FAF1: variants seen among roughly 807,000 people sequenced by gnomAD.
FAF1 encodes Fas associated factor 1.
In FAF1, 25 loss-of-function variants were observed where a neutral mutation model predicts 92.5. The ratio of observed to expected loss-of-function variants is 0.27; its 90% confidence interval spans 0.20 to 0.38. The LOEUF is 0.38. FAF1 is among the 10% of genes least tolerant of loss of function. The pLI is 1.00. For missense variants in FAF1, 636 were observed against 793.3 expected (o/e 0.80, Z 2.38); for synonymous variants, 234 against 273.2 (o/e 0.86, Z 1.42).
intron 4 of FAF1, among the ~76,000 whole-genome samples, chr1:50,783,842 T>A (rs1323766371): frequency 2.0e-5 from 3 of 152,104 alleles, no homozygotes. Flanking sequence ...ACCACTGCAC[T>A]CCAGCCTGGG....
intron 15 of FAF1, 38 bp from the exon 16 acceptor site, chr1:50,491,839 C>A: frequency 1.4e-6 from 2 of 1,460,330 alleles, no homozygotes; most frequent in South Asian, 1.2e-5. Context: ...TGACATATAA[C>A]TTTTTTTTGA....
intron 9 of FAF1, among the ~76,000 whole-genome samples, chr1:50,590,666 A>C (rs1411612848): frequency 5.3e-5 from 8 of 152,120 alleles, no homozygotes; most frequent in Admixed American, 5.2e-4. Flanking sequence ...TTCCAGAACT[A>C]TGTCAAATAG....
At chr1:50,521,712 A>G (rs1468035006) in intron 15 of FAF1, among the ~76,000 whole-genome samples, 1 of 152,252 alleles carries the variant, frequency 6.6e-6, no homozygotes, top group Non-Finnish European at 1.5e-5. Context: ...GAATGCTTTT[A>G]CAGTAATAAA....
intron 1 of FAF1, among the ~76,000 whole-genome samples, chr1:50,886,251 T>C (rs1030577468): frequency 6.6e-6 from 1 of 152,224 alleles, no homozygotes; most frequent in African/African-American, 2.4e-5. Flanking sequence ...CCTTTAACAC[T>C]TCTTGTAGGA....
At chr1:50,705,913 C>G (rs772379618) in intron 6 of FAF1, 22 bp from the exon 7 acceptor site, 119 of 1,450,814 alleles carry the variant, frequency 8.2e-5, no homozygotes, top group Non-Finnish European at 1.1e-4. Context: ...GAAAGAAAAA[C>G]AAGGAACTCA....
intron 1 of FAF1, among the ~76,000 whole-genome samples, chr1:50,900,293 T>C (rs1052300147): frequency 1.3e-5 from 2 of 152,262 alleles, no homozygotes; most frequent in Non-Finnish European, 2.9e-5. Flanking sequence ...ATATTACATC[T>C]CACAATCTTA....
At chr1:50,737,179 T>C (rs1378015935) in intron 6 of FAF1, among the ~76,000 whole-genome samples, 1 of 152,200 alleles carries the variant, frequency 6.6e-6, no homozygotes, top group African/African-American at 2.4e-5. Flanking sequence ...AAGTATATTT[T>C]AATGCTAGAT....
chr1:50,872,522 A>G (rs1330543513), intron 1 of FAF1, among the ~76,000 whole-genome samples: 1 of 152,252 alleles, frequency 6.6e-6, no homozygotes, highest in Non-Finnish European at 1.5e-5. Flanking sequence ...TTAGACTATG[A>G]CATAACCTTA....
chr1:50,726,182 G>A (rs1476216304), intron 6 of FAF1, among the ~76,000 whole-genome samples: 4 of 152,024 alleles, frequency 2.6e-5, no homozygotes, highest in Non-Finnish European at 5.9e-5. Flanking sequence ...CTTGAACTCA[G>A]GAGGCGGAGG....
At chr1:50,646,174 G>GTAAT (rs1654574269) in intron 8 of FAF1, among the ~76,000 whole-genome samples, 1 of 152,072 alleles carries the variant, frequency 6.6e-6, no homozygotes, top group African/African-American at 2.4e-5. Flanking sequence ...AGTAATGTTA[G>GTAAT]GATTCAACAA....
chr1:50,880,412 A>G (rs1352784860), intron 1 of FAF1, among the ~76,000 whole-genome samples: 1 of 152,222 alleles, frequency 6.6e-6, no homozygotes, highest in African/African-American at 2.4e-5. Flanking sequence ...TTAGAGCCCT[A>G]ACTCCCAATG....
intron 7 of FAF1, among the ~76,000 whole-genome samples, chr1:50,678,434 C>T (rs532867752): frequency 6.6e-6 from 1 of 152,228 alleles, no homozygotes; most frequent in South Asian, 2.1e-4. Context: ...ACACATTTGG[C>T]CAGATTTTCT....
At chr1:50,787,855 T>C (rs923535998) in intron 4 of FAF1, 145 bp downstream of exon 4, 2 of 643,552 alleles carry the variant, frequency 3.1e-6, no homozygotes, top group Admixed American at 2.9e-5. Context: ...AAATAAAGCA[T>C]AATAATCAGT....
At chr1:50,498,133 A>C (rs1054670655) in intron 15 of FAF1, among the ~76,000 whole-genome samples, 2 of 152,196 alleles carry the variant, frequency 1.3e-5, no homozygotes, top group African/African-American at 4.8e-5. Context: ...GATCTTCAAC[A>C]AGGGTGGCAA....
At chr1:50,627,312 G>A (rs1393954061) in intron 8 of FAF1, among the ~76,000 whole-genome samples, 1 of 152,130 alleles carries the variant, frequency 6.6e-6, no homozygotes, top group Non-Finnish European at 1.5e-5. Flanking sequence ...AGCTTGCAAA[G>A]GAGATAGAAA....
Position 50,798,042 on chromosome 1 carries a change from T to C in FAF1, c.161+3589A>G, listed in dbSNP as rs151132239. 1.0e-2 allele frequency among the ~76,000 whole-genome samples: 1,502 copies of C among 150,820 alleles called. 20 individuals are homozygous for C. The highest frequency in any genetic ancestry group is 0.034 in the African/African-American group (1,412 of 41,040). On this transcript the variant is annotated intron_variant, in intron 3 of 18. Coordinates refer to ENST00000396153, the MANE Select transcript of FAF1 (RefSeq NM_007051.3). The stretch of plus-strand genomic sequence containing the variant: ...TATTATTTCAATTCTTTAAAGTCCA[T>C]GCCATGGCAAAATTTTTAGGCACCT...
intron 1 of FAF1, among the ~76,000 whole-genome samples, chr1:50,867,718 T>C (rs949268759): frequency 1.3e-5 from 2 of 152,108 alleles, no homozygotes; most frequent in Non-Finnish European, 2.9e-5. Flanking sequence ...TAGAACACTT[T>C]TACACTGCTG....
intron 17 of FAF1, among the ~76,000 whole-genome samples, chr1:50,485,458 CAAGACCATCCTGGCT>C (rs1407406445): frequency 6.6e-6 from 1 of 151,652 alleles, no homozygotes; most frequent in African/African-American, 2.4e-5. Context: ...GTCAGGAGAT[CAAGACCATCCTGGCT>C]AACACGGTGA....
At chr1:50,529,267 T>G (rs1275569471) in intron 15 of FAF1, among the ~76,000 whole-genome samples, 3 of 152,226 alleles carry the variant, frequency 2.0e-5, no homozygotes, top group African/African-American at 7.2e-5. Flanking sequence ...AGAATATAAT[T>G]GACTTAAGCA....
Sources: gnomAD v4.1 joint callset for allele counts (sites outside exome capture counted in the v4.1 genomes callset) on GRCh38, gnomAD v4.1.1 for gene constraint, MANE v1.5 for transcripts, NCBI Gene and HGNC (gene_info 2026-07-23, HGNC 2026-07-21) for gene names.